CLVS1: variants seen among roughly 807,000 people sequenced by gnomAD.
CLVS1 encodes the protein clavesin-1.
A neutral mutation model predicts 33.1 loss-of-function variants in CLVS1; 10 were observed. That is an observed-to-expected ratio of 0.30 (90% CI 0.19 to 0.51). The LOEUF is 0.51. CLVS1 is among the 20% of genes least tolerant of loss of function. The pLI is 0.97. For missense variants in CLVS1, 343 were observed against 433.4 expected (o/e 0.79, Z 1.85); for synonymous variants, 163 against 166.1 (o/e 0.98, Z 0.14).
chr8:61,151,456 C>A (rs1427586083), intron 2 of CLVS1, among the ~76,000 whole-genome samples: 1 of 152,086 alleles, frequency 6.6e-6, no homozygotes, highest in African/African-American at 2.4e-5. Context: ...CTTTCAAGAC[C>A]CCATGCCTAG....
chr8:60,968,901 T>TAAATA, the CLVS1 span, among the ~76,000 whole-genome samples: 1 of 150,736 alleles, frequency 6.6e-6, no homozygotes, highest in African/African-American at 2.4e-5. Flanking sequence ...AAAAAATAAA[T>TAAATA]AAATAAAATA....
chr8:61,139,108 C>T (rs1806251891), intron 2 of CLVS1, among the ~76,000 whole-genome samples: 1 of 152,246 alleles, frequency 6.6e-6, no homozygotes, highest in Admixed American at 6.5e-5. Flanking sequence ...CTACGCCGCC[C>T]TTGACCTCTG....
At chr8:61,275,559 A>G (rs1339576669) in intron 2 of CLVS1, among the ~76,000 whole-genome samples, 1 of 152,200 alleles carries the variant, frequency 6.6e-6, no homozygotes, top group South Asian at 2.1e-4. Context: ...TGAAACAACA[A>G]AAGTATGTTG....
chr8:61,229,132 G>A (rs1302331247), intron 2 of CLVS1, among the ~76,000 whole-genome samples: 1 of 152,176 alleles, frequency 6.6e-6, no homozygotes, highest in Non-Finnish European at 1.5e-5. Context: ...ACTGTCTTGA[G>A]AAATGTCTAT....
At chr8:61,337,933 A>G (rs1164068921) in intron 2 of CLVS1, among the ~76,000 whole-genome samples, 1 of 152,240 alleles carries the variant, frequency 6.6e-6, no homozygotes, top group Non-Finnish European at 1.5e-5. Flanking sequence ...TGGTTTGCCT[A>G]AGACTATACA....
intron 3 of CLVS1, among the ~76,000 whole-genome samples, chr8:61,399,776 A>C (rs1435921262): frequency 6.6e-6 from 1 of 152,188 alleles, no homozygotes; most frequent in Non-Finnish European, 1.5e-5. Flanking sequence ...TCCCAGCACC[A>C]TTTATTAAAT....
At chr8:61,168,671 T>C (rs1806929795) in intron 2 of CLVS1, among the ~76,000 whole-genome samples, 1 of 152,220 alleles carries the variant, frequency 6.6e-6, no homozygotes, top group African/African-American at 2.4e-5. Context: ...CTCGGCTGAC[T>C]TGGAATCACA....
At chr8:61,136,086 G>A (rs1203907209) in intron 2 of CLVS1, among the ~76,000 whole-genome samples, 1 of 152,240 alleles carries the variant, frequency 6.6e-6, no homozygotes, top group Non-Finnish European at 1.5e-5. Flanking sequence ...TGGTGACTGT[G>A]GAAGCCCACA....
At chr8:61,486,302 C>T (rs924200211) in intron 5 of CLVS1, among the ~76,000 whole-genome samples, 21 of 151,816 alleles carry the variant, frequency 1.4e-4, no homozygotes, top group Middle Eastern at 3.4e-3. Flanking sequence ...ATGTCCAGTA[C>T]GGATTCTATT....
In CLVS1 at chr8:61,451,588, G is replaced by C. The variant is rs192272592; in HGVS notation, c.631-2553G>C. Among the ~76,000 whole-genome samples the C allele has an allele frequency of 7.2e-4, 110 of 152,214 alleles. 1 individual carries two copies. Among genetic ancestry groups the C allele is most frequent in the African/African-American group, 2.6e-3 (110 of 41,530 alleles). ...TCATTGAACCAAGGCCTATGATCTT[G>C]AGATACATCTGCTCTAGCCCTTAAG... On this transcript the variant is annotated intron_variant, in intron 3 of 5. Coordinates refer to ENST00000325897, the MANE Select transcript of CLVS1 (RefSeq NM_173519.3).
intron 2 of CLVS1, among the ~76,000 whole-genome samples, chr8:61,372,158 G>A (rs1442878007): frequency 9.2e-5 from 14 of 152,126 alleles, no homozygotes; most frequent in Admixed American, 9.2e-4. Context: ...TGATAGAATT[G>A]TGATTGCAGG....
At chr8:61,475,907 T>G (rs1156725531) in intron 5 of CLVS1, among the ~76,000 whole-genome samples, 1 of 152,248 alleles carries the variant, frequency 6.6e-6, no homozygotes, top group East Asian at 1.9e-4. Context: ...CTAGGTTTTC[T>G]TCTAGGGTTT....
intron 3 of CLVS1, among the ~76,000 whole-genome samples, chr8:61,428,367 AAG>A (rs1196461746): frequency 6.6e-6 from 1 of 152,196 alleles, no homozygotes; most frequent in Non-Finnish European, 1.5e-5. Flanking sequence ...AAAGGAGAGA[AAG>A]AGCAAAATAA....
intron 3 of CLVS1, among the ~76,000 whole-genome samples, chr8:61,448,566 T>G (rs1003972481): frequency 1.6e-4 from 25 of 152,124 alleles, no homozygotes; most frequent in Admixed American, 1.6e-3. Context: ...ACTTTTTAAG[T>G]TATTTTTCAG....
chr8:61,192,835 A>T (rs75653477), intron 2 of CLVS1, among the ~76,000 whole-genome samples: 25,057 of 151,756 alleles, frequency 0.17, 3,180 homozygotes, highest in African/African-American at 0.36. Flanking sequence ...ATGTCACACC[A>T]GTTAGAATGG....
At chr8:61,491,943 C>T (rs1405379390) in intron 5 of CLVS1, among the ~76,000 whole-genome samples, 2 of 152,104 alleles carry the variant, frequency 1.3e-5, no homozygotes, top group Non-Finnish European at 2.9e-5. Flanking sequence ...GGACATGGGT[C>T]TCCTATCATG....
chr8:61,359,475 C>G (rs1265727330), intron 2 of CLVS1, among the ~76,000 whole-genome samples: 1 of 152,124 alleles, frequency 6.6e-6, no homozygotes, highest in Non-Finnish European at 1.5e-5. Flanking sequence ...CCTGCCTCAG[C>G]CTCCTGAGAA....
chr8:61,377,067 C>T (rs1007061040), intron 3 of CLVS1: 3 of 287,716 alleles, frequency 1.0e-5, no homozygotes, highest in Non-Finnish European at 1.9e-5. Context: ...AGAGAGTTCA[C>T]AAAAATTAAA....
intron 2 of CLVS1, among the ~76,000 whole-genome samples, chr8:61,308,615 A>G (rs1810723277): frequency 1.3e-5 from 2 of 152,028 alleles, no homozygotes; most frequent in South Asian, 4.2e-4. Context: ...CACTGTGATA[A>G]CCCAGAAGAC....
Sources: allele counts gnomAD v4.1 joint callset (sites outside exome capture counted in the v4.1 genomes callset), GRCh38; gene constraint gnomAD v4.1.1; transcripts MANE v1.5; gene names NCBI Gene and HGNC (gene_info 2026-07-23, HGNC 2026-07-21).